RNF115: variants seen among roughly 807,000 people sequenced by gnomAD.
RNF115 encodes E3 ubiquitin-protein ligase RNF115.
RNF115 carries 31 observed loss-of-function variants against 39.2 expected under a neutral mutation model. The observed-to-expected ratio is 0.79, with a 90% CI of 0.59 to 1.07. The LOEUF is 1.07. Among genes scored for constraint, RNF115 ranks in the 50% least tolerant of loss-of-function variants. The pLI, the probability that RNF115 is intolerant of heterozygous loss-of-function variation, is 0.00. For synonymous variants in RNF115, 124 were observed against 131.0 expected, an observed-to-expected ratio of 0.95 and a Z score of 0.37; for missense variants, 384 against 381.7, an observed-to-expected ratio of 1.01 and a Z score of -0.05.
chr1:145,764,338 C>T (rs1658659321), intron 4 of RNF115, among the ~76,000 whole-genome samples: 2 of 152,144 alleles, frequency 1.3e-5, no homozygotes, highest in South Asian at 2.1e-4. Flanking sequence ...GCCGACACCC[C>T]GTCTGGGAAG....
intron 4 of RNF115, among the ~76,000 whole-genome samples, chr1:145,762,524 T>C (rs915610191): frequency 6.6e-6 from 1 of 152,154 alleles, no homozygotes; most frequent in African/African-American, 2.4e-5. Context: ...TTATAAAATA[T>C]GTGTAGTATA....
chr1:145,793,864 G>A (rs1553719369), intron 1 of RNF115, among the ~76,000 whole-genome samples: 2 of 132,966 alleles, frequency 1.5e-5, no homozygotes, highest in African/African-American at 5.8e-5. Context: ...TTTTTTTTGA[G>A]ACGAAGTCTC....
At chr1:145,769,192 ATT>A (rs1553715415) in intron 4 of RNF115, among the ~76,000 whole-genome samples, 1 of 152,182 alleles carries the variant, frequency 6.6e-6, no homozygotes, top group East Asian at 1.9e-4. Flanking sequence ...TGGCTCCAAT[ATT>A]TAACTGCCTT....
chr1:145,815,601 C>G (rs1553723426), intron 1 of RNF115, among the ~76,000 whole-genome samples: 1 of 151,964 alleles, frequency 6.6e-6, no homozygotes, highest in Non-Finnish European at 1.5e-5. Flanking sequence ...CCCAGTCATT[C>G]ATCATCAATG....
At chr1:145,778,608 T>G (rs1234845731) in intron 3 of RNF115, among the ~76,000 whole-genome samples, 1 of 152,148 alleles carries the variant, frequency 6.6e-6, no homozygotes, top group Non-Finnish European at 1.5e-5. Context: ...TGTGAAAACA[T>G]TAAAGCAAAG....
chr1:145,740,492 T>G lies in RNF115; in HGVS notation c.*6374A>C, dbSNP rs1553710844. On this transcript the variant is annotated 3_prime_UTR_variant, in exon 9 of 9. Transcript: ENST00000582693. ...AAACTTAAAATACTTGTGTCTTGGC[T>G]TTCAAAATGTGTTGATACAATTGCC... The G allele has an allele frequency of 6.6e-6, 1 of 152,276 alleles. No homozygotes were observed. Among genetic ancestry groups the G allele is most frequent in the Non-Finnish European group, 1.5e-5 (1 of 68,050 alleles). 9.4% of individuals were successfully genotyped at this position (152,276 alleles called of 1,614,324 possible).
Position 145,746,921 on chromosome 1 carries a change from G to A in RNF115, c.860C>T (p.Ser287Phe). 1.2e-6 allele frequency: 2 copies of A among 1,614,144 alleles called. No individual in the cohort carries two copies. Among genetic ancestry groups the A allele is most frequent in the Non-Finnish European group, 1.7e-6 (2 of 1,180,000 alleles). Reference sequence around the variant, plus strand: ...GTCATTGCTAAATCTGTTGCTTGCAGAGGCCTCAGTGCTCTGGCTTTGCCG... The same window carrying A: ...GTCATTGCTAAATCTGTTGCTTGCAAAGGCCTCAGTGCTCTGGCTTTGCCG... Reference protein sequence around the residue: ...STRQSQSTEASASNRFSNDSQ... With the variant: ...STRQSQSTEAFASNRFSNDSQ... Residue 287 changes from serine to phenylalanine, a missense_variant, in exon 9 of 9, where the codon TCT becomes TTT. Physicochemically the swap from Ser to Phe is radical, Grantham distance 155. Transcript: ENST00000582693.
At chr1:145,802,212 T>C (rs1204266070) in intron 1 of RNF115, among the ~76,000 whole-genome samples, 1 of 152,116 alleles carries the variant, frequency 6.6e-6, no homozygotes, top group Non-Finnish European at 1.5e-5. Context: ...CCCCCTAGGC[T>C]CTAAAAGATT....
chr1:145,750,286 T>A (rs1658026903), intron 7 of RNF115, 121 bp downstream of exon 7: 1 of 795,794 alleles, frequency 1.3e-6, no homozygotes, highest in African/African-American at 1.7e-5. Context: ...TATTGGGATT[T>A]TTTTTCTTAT....
intron 1 of RNF115, among the ~76,000 whole-genome samples, chr1:145,799,061 T>C (rs1553720480): frequency 6.6e-6 from 1 of 151,792 alleles, no homozygotes; most frequent in Non-Finnish European, 1.5e-5. Flanking sequence ...TTGTGGAATG[T>C]TTAGGGTTTT....
intron 3 of RNF115, chr1:145,773,151 T>C (rs1553715995): frequency 6.6e-6 from 1 of 152,214 alleles, no homozygotes; most frequent in African/African-American, 2.4e-5. Flanking sequence ...GCTCTTTGAG[T>C]ATACTTAAGA....
Position 145,798,328 on chromosome 1 carries a change from CTTTGAG to C in RNF115, c.103-9368_103-9363del, listed in dbSNP as rs58895626. Among the ~76,000 whole-genome samples the C allele has an allele frequency of 3.4e-4, 51 of 152,216 alleles. 1 individual carries two copies. The East Asian group carries it at 9.3e-3, about 28-fold the overall frequency. On this transcript the variant is annotated intron_variant, in intron 1 of 8. Coordinates refer to ENST00000582693, the MANE Select transcript of RNF115 (RefSeq NM_014455.4). ...GTCTTATATTTAGGTCTTTAATCCA[CTTTGAG>C]TTTATTTTTATATATAGTGTAAAAT...
chr1:145,790,717 C>A (rs1276258461), intron 1 of RNF115, among the ~76,000 whole-genome samples: 1 of 152,072 alleles, frequency 6.6e-6, no homozygotes, highest in Non-Finnish European at 1.5e-5. Flanking sequence ...CAGGTGTGAG[C>A]CACCGTGCCT....
At position 145,771,897 on chromosome 1, in the gene RNF115, G is replaced by A. The variant is rs781333108; in HGVS notation, c.242C>T (p.Thr81Met). The A allele has an allele frequency of 1.1e-4, 175 of 1,613,742 alleles. No homozygotes were observed. The East Asian group carries it at 3.6e-3, about 33-fold the overall frequency. Reference sequence around the variant, plus strand: ...GGGTCTAAAATCTTGAAAAAACATCGTGTGATCCAAATGGCCCCAAAGCTA... The same window carrying A: ...GGGTCTAAAATCTTGAAAAAACATCATGTGATCCAAATGGCCCCAAAGCTA... Reference protein sequence around the residue: ...FAELWGHLDHTMFFQDFRPFL... With the variant: ...FAELWGHLDHMMFFQDFRPFL... The change falls in exon 4 of 9, where the codon ACG (threonine) becomes ATG (methionine). Residue 81 changes from threonine (T) to methionine (M), a missense_variant. By Grantham distance (81) the Thr-to-Met change is moderately conservative. Coordinates refer to ENST00000582693, the MANE Select transcript of RNF115 (RefSeq NM_014455.4).
intron 1 of RNF115, among the ~76,000 whole-genome samples, chr1:145,791,080 C>T (rs1339046160): frequency 1.3e-5 from 2 of 150,578 alleles, no homozygotes; most frequent in South Asian, 2.1e-4. Flanking sequence ...AGGCAGAGGT[C>T]GCAGTGAGCC....
At chr1:145,800,930 GA>G (rs1649207237) in intron 1 of RNF115, among the ~76,000 whole-genome samples, 1 of 152,048 alleles carries the variant, frequency 6.6e-6, no homozygotes, top group Admixed American at 6.6e-5. Context: ...AGCACTTTGG[GA>G]GGGCCAAGGC....
Position 145,740,140 on chromosome 1 carries a change from C to A in RNF115, c.*6726G>T, listed in dbSNP as rs1481631850. On this transcript the variant is annotated 3_prime_UTR_variant, in exon 9 of 9. Transcript: ENST00000582693. ...AATAAACTCACATAGGTAGAGATGTCTTTTGTTTTTACTATTCAAATAATC... is the reference window on the plus strand; with the variant it reads ...AATAAACTCACATAGGTAGAGATGTATTTTGTTTTTACTATTCAAATAATC... The A allele has an allele frequency of 2.0e-5, 3 of 152,158 alleles. No individual in the cohort carries two copies. Among genetic ancestry groups the A allele is most frequent in the African/African-American group, 7.2e-5 (3 of 41,430 alleles). The allele number at this position is 152,158 out of a possible 1,614,324, so 9.4% of individuals were successfully genotyped here.
rs1371394794 is a variant in RNF115 at position 145,784,662 on chromosome 1, T to C, written c.162-66A>G. 4 of 1,380,462 alleles carry C rather than the reference T, an allele frequency of 2.9e-6. No homozygotes were observed. In the East Asian group the frequency reaches 6.9e-5, roughly 24 times the overall value. 85.5% of individuals were successfully genotyped at this position (1,380,462 alleles called of 1,614,324 possible). Reference sequence around the variant, plus strand: ...ACAAGCTCCCCTCCCAGAAGCTAAATATAGAATGGCATAATGAGAACAAAG... The same window carrying C: ...ACAAGCTCCCCTCCCAGAAGCTAAACATAGAATGGCATAATGAGAACAAAG... On this transcript the variant is annotated intron_variant, in intron 2 of 8. Transcript: ENST00000582693.
In RNF115 at chr1:145,812,553, G is replaced by A. The variant is rs1306443742; in HGVS notation, c.102+11219C>T. On this transcript the variant is annotated intron_variant, in intron 1 of 8. Transcript: ENST00000582693. ...CGCACACCCATAATCTCAGTTACTC[G>A]GGAGGCTGAGGCACAAGAATTGCTT... is the stretch of plus-strand genomic sequence containing the variant. Among the ~76,000 whole-genome samples, 7 of 151,670 alleles carry A rather than the reference G, an allele frequency of 4.6e-5. No homozygotes were observed. In the South Asian group the frequency reaches 6.3e-4, roughly 14 times the overall value.
Sources: allele counts gnomAD v4.1 joint callset (sites outside exome capture counted in the v4.1 genomes callset), GRCh38; gene constraint gnomAD v4.1.1; transcripts MANE v1.5; gene names NCBI Gene and HGNC (gene_info 2026-07-23, HGNC 2026-07-21).